Variants in SH3RF2 observed in about 807,000 individuals in gnomAD.
SH3RF2 encodes the protein E3 ubiquitin-protein ligase SH3RF2.
SH3RF2 carries 43 observed loss-of-function variants against 59.0 expected under a neutral mutation model. The observed-to-expected ratio is 0.73, with a 90% CI of 0.57 to 0.94. The LOEUF (loss-of-function observed/expected upper bound fraction) is 0.94. Among genes scored for constraint, SH3RF2 ranks in the 40% least tolerant of loss-of-function variants. The probability of loss-of-function intolerance (pLI) is 0.00; values close to 1 mark genes in which losing one functional copy is unlikely to be tolerated. For missense variants in SH3RF2, 930 were observed against 940.1 expected (o/e 0.99, Z 0.14); for synonymous variants, 391 against 391.5 (o/e 1.00, Z 0.01).
In SH3RF2 at chr5:146,059,963, C is replaced by T; in HGVS notation, c.1653C>T (p.Phe551=). 2 of 1,561,670 alleles carry T rather than the reference C, an allele frequency of 1.3e-6. No homozygotes were observed. Among genetic ancestry groups the T allele is most frequent in the Non-Finnish European group, 1.7e-6 (2 of 1,153,998 alleles). The change falls in exon 9 of 10, where the codon TTC becomes TTT. Residue 551 remains phenylalanine, a synonymous_variant. Coordinates refer to ENST00000359120, the MANE Select transcript of SH3RF2 (RefSeq NM_152550.4). ...SPTMVLRPQQ[F]QFYQPQGIPS... ...CCATGGTCCTTCGGCCTCAGCAGTT[C>T]CAATTCTACCAGCCACAGGGGATCC...
intron 2 of SH3RF2, among the ~76,000 whole-genome samples, chr5:145,961,233 G>A (rs1490300021): frequency 6.7e-6 from 1 of 148,704 alleles, no homozygotes; most frequent in Non-Finnish European, 1.5e-5. Flanking sequence ...TGTAGTGGGG[G>A]AAAGTTCTGA....
At chr5:145,977,271 A>T (rs564619079) in intron 2 of SH3RF2, among the ~76,000 whole-genome samples, 1 of 152,242 alleles carries the variant, frequency 6.6e-6, no homozygotes, top group Non-Finnish European at 1.5e-5. Flanking sequence ...GTTCTGACAT[A>T]TATGGTTACT....
rs1218356441 is a variant in SH3RF2 at position 146,059,178 on chromosome 5, CCT to C, written c.1556-685_1556-684del. ...TCCAGGAGGAGGTCTGATTCCAGATCCTCTGTCATGAGACATTGCAAAGCCCA... is the reference window on the plus strand; with the variant it reads ...TCCAGGAGGAGGTCTGATTCCAGATCCTGTCATGAGACATTGCAAAGCCCA... On this transcript the variant is annotated intron_variant, in intron 8 of 9. Coordinates refer to ENST00000359120, the MANE Select transcript of SH3RF2 (RefSeq NM_152550.4). Among the ~76,000 whole-genome samples, 4 of 152,294 alleles carry C rather than the reference CCT, an allele frequency of 2.6e-5. No individual in the cohort carries two copies. In the East Asian group the frequency reaches 7.7e-4, roughly 29 times the overall value.
At chr5:145,948,308 T>A (rs1448768076) in intron 2 of SH3RF2, among the ~76,000 whole-genome samples, 1 of 152,248 alleles carries the variant, frequency 6.6e-6, no homozygotes, top group Non-Finnish European at 1.5e-5. Flanking sequence ...GGTTGTACTT[T>A]TTAAAACTAG....
chr5:146,061,262 C>G (rs967789496), intron 9 of SH3RF2, among the ~76,000 whole-genome samples: 5 of 152,068 alleles, frequency 3.3e-5, no homozygotes, highest in Non-Finnish European at 5.9e-5. Context: ...TACCCAAGAC[C>G]GCACAGTTGA....
intron 5 of SH3RF2, among the ~76,000 whole-genome samples, chr5:146,023,410 T>C (rs1412141870): frequency 6.6e-6 from 1 of 152,166 alleles, no homozygotes; most frequent in Non-Finnish European, 1.5e-5. Flanking sequence ...GGTTTCACCA[T>C]GTTGGCCAGG....
At chr5:146,023,847 A>C (rs1457241106) in intron 5 of SH3RF2, among the ~76,000 whole-genome samples, 3 of 152,332 alleles carry the variant, frequency 2.0e-5, no homozygotes, top group Non-Finnish European at 4.4e-5. Flanking sequence ...TATAAGTGGA[A>C]GCACACAGTA....
intron 2 of SH3RF2, among the ~76,000 whole-genome samples, chr5:145,977,622 G>A (rs1223934113): frequency 6.6e-6 from 1 of 152,150 alleles, no homozygotes; most frequent in East Asian, 1.9e-4. Flanking sequence ...CATGTGGTGG[G>A]GGTCTTACAG....
chr5:146,081,729 T>G (rs1763428002), exon 10 of SH3RF2: 1 of 152,162 alleles, frequency 6.6e-6, no homozygotes, highest in Admixed American at 6.5e-5. Flanking sequence ...AAGCCAAATA[T>G]GTCTTTTAGC....
Position 146,049,209 on chromosome 5 carries a change from G to T in SH3RF2, c.1286G>T (p.Gly429Val). The T allele has an allele frequency of 6.2e-7, 1 of 1,613,520 alleles. No individual in the cohort carries two copies. The change falls in exon 7 of 10, where the codon GGC becomes GTC. Residue 429 changes from glycine to valine, a missense_variant. Coordinates refer to ENST00000359120, the MANE Select transcript of SH3RF2 (RefSeq NM_152550.4). ...GTCTCCTTGGTCACCGGGCGAGTCG[G>T]CATCTTCCCAAACAATTACGTCATC... ...RGVSLVTGRV[G>V]IFPNNYVIPI...
downstream of SH3RF2, among the ~76,000 whole-genome samples, chr5:146,067,253 G>A (rs1022601942): frequency 6.6e-5 from 10 of 152,262 alleles, no homozygotes; most frequent in East Asian, 1.9e-4. Flanking sequence ...CAGGGGGTCC[G>A]TCCACACCAG....
intron 2 of SH3RF2, among the ~76,000 whole-genome samples, chr5:145,980,022 C>T (rs908895210): frequency 2.0e-5 from 3 of 152,122 alleles, no homozygotes; most frequent in South Asian, 2.1e-4. Flanking sequence ...GGGCAATGCT[C>T]AGTAATTGGG....
chr5:146,048,888 C>A (rs912411151), intron 6 of SH3RF2, among the ~76,000 whole-genome samples, 187 bp from the exon 7 acceptor site: 7 of 152,142 alleles, frequency 4.6e-5, no homozygotes, highest in African/African-American at 1.4e-4. Context: ...AACTCCTGAC[C>A]TCAGGTGATC....
At chr5:146,052,271 A>C (rs1762528490) in intron 7 of SH3RF2, among the ~76,000 whole-genome samples, 2 of 152,152 alleles carry the variant, frequency 1.3e-5, no homozygotes, top group Non-Finnish European at 2.9e-5. Context: ...TGGTCATCCT[A>C]AATAGAGTGT....
intron 2 of SH3RF2, among the ~76,000 whole-genome samples, chr5:145,991,378 G>A (rs1759926589): frequency 6.6e-6 from 1 of 152,178 alleles, no homozygotes; most frequent in Non-Finnish European, 1.5e-5. Context: ...TAAGAAAAAT[G>A]TCTGTGGCCT....
intron 2 of SH3RF2, among the ~76,000 whole-genome samples, chr5:145,978,019 C>G (rs1277324278): frequency 6.6e-6 from 1 of 152,182 alleles, no homozygotes; most frequent in Non-Finnish European, 1.5e-5. Flanking sequence ...CTTATTCTTT[C>G]CAAATTAACA....
intron 2 of SH3RF2, among the ~76,000 whole-genome samples, chr5:145,947,903 T>C (rs750042282): frequency 6.6e-6 from 1 of 152,204 alleles, no homozygotes; most frequent in Non-Finnish European, 1.5e-5. Context: ...TAGCTTGTGG[T>C]CTTTTATGTA....
At chr5:146,022,466 G>T in intron 5 of SH3RF2, among the ~76,000 whole-genome samples, 1 of 152,020 alleles carries the variant, frequency 6.6e-6, no homozygotes, top group Non-Finnish European at 1.5e-5. Flanking sequence ...CTTGCCTCTT[G>T]GATTATTTTA....
intron 2 of SH3RF2, among the ~76,000 whole-genome samples, chr5:145,947,571 C>T (rs1050639694): frequency 3.9e-5 from 6 of 152,186 alleles, no homozygotes; most frequent in African/African-American, 7.2e-5. Context: ...CTATCATGCC[C>T]ACCACAGTTG....
Sources: allele counts gnomAD v4.1 joint callset (sites outside exome capture counted in the v4.1 genomes callset), GRCh38; gene constraint gnomAD v4.1.1; transcripts MANE v1.5; gene names NCBI Gene and HGNC (gene_info 2026-07-23, HGNC 2026-07-21).